The following TEX11 variants were observed in gnomAD, a reference collection of about 807,000 sequenced individuals.
The protein encoded by TEX11 is testis expressed 11.
TEX11 carries 7 observed loss-of-function variants against 84.4 expected under a neutral mutation model. The ratio of observed to expected loss-of-function variants is 0.08; its 90% CI spans 0.05 to 0.16. The LOEUF (loss-of-function observed/expected upper bound fraction) is 0.16. Ranked by LOEUF, TEX11 falls within the 10% of genes least tolerant of loss-of-function variation. The pLI, the probability that TEX11 is intolerant of heterozygous loss-of-function variation, is 1.00. For synonymous variants in TEX11, 264 were observed against 222.8 expected (o/e 1.18, Z -1.64); for missense variants, 551 against 660.5 (o/e 0.83, Z 1.82).
chrX:70,775,292 T>C (rs2090994398), intron 9 of TEX11, among the ~76,000 whole-genome samples: 1 of 111,420 alleles, frequency 9.0e-6, no homozygotes, highest in Non-Finnish European at 1.9e-5. Flanking sequence ...AAAGATGATA[T>C]GGCTACAACC....
At chrX:70,853,574 G>A (rs182194633) in intron 5 of TEX11, among the ~76,000 whole-genome samples, 77 of 112,028 alleles carry the variant, frequency 6.9e-4, no homozygotes, top group African/African-American at 2.1e-3. Context: ...CATCTTCTGA[G>A]GAAATATTAA....
At chrX:70,568,721 T>G (rs1195892648) in intron 25 of TEX11, among the ~76,000 whole-genome samples, 1 of 111,788 alleles carries the variant, frequency 8.9e-6, no homozygotes, top group Non-Finnish European at 1.9e-5. Context: ...TTTAAGAATG[T>G]TGAATATTGG....
At chrX:70,629,813 A>T in intron 17 of TEX11, 78 bp from the exon 18 acceptor site, 1 of 729,522 alleles carries the variant, frequency 1.4e-6, no homozygotes, top group Non-Finnish European at 1.9e-6. Flanking sequence ...TTATGCCACA[A>T]TGAATTTGGA....
At chrX:70,815,554 C>T (rs916507462) in intron 8 of TEX11, among the ~76,000 whole-genome samples, 5 of 111,391 alleles carry the variant, frequency 4.5e-5, no homozygotes, top group African/African-American at 1.6e-4. Context: ...TATAATTATT[C>T]TATTTTATTA....
At chrX:70,882,983 G>A (rs1014373588) in intron 2 of TEX11, among the ~76,000 whole-genome samples, 6 of 111,730 alleles carry the variant, frequency 5.4e-5, no homozygotes, top group Middle Eastern at 4.6e-3. Context: ...CAATTTCACC[G>A]ACACCAGCTG....
At chrX:70,694,422 G>A (rs764519918) in intron 13 of TEX11, among the ~76,000 whole-genome samples, 1 of 111,399 alleles carries the variant, frequency 9.0e-6, no homozygotes, top group Non-Finnish European at 1.9e-5. Flanking sequence ...ATTTTAACAG[G>A]CATTTCACAA....
At chrX:70,723,395 T>C (rs1420769079) in intron 12 of TEX11, among the ~76,000 whole-genome samples, 1 of 111,017 alleles carries the variant, frequency 9.0e-6, no homozygotes, top group Non-Finnish European at 1.9e-5. Context: ...GTGGAAAAAA[T>C]GAATATACAC....
chrX:70,519,555 T>G, the TEX11 span, among the ~76,000 whole-genome samples: 1 of 111,857 alleles, frequency 8.9e-6, no homozygotes, highest in Non-Finnish European at 1.9e-5. Flanking sequence ...ATTGTTTCCT[T>G]CATTTCAACC....
chrX:70,736,255 T>C (rs968034482), intron 11 of TEX11, among the ~76,000 whole-genome samples: 2 of 111,556 alleles, frequency 1.8e-5, no homozygotes, highest in Non-Finnish European at 3.8e-5. Context: ...AACATAGGCA[T>C]ACCAAATTTT....
chrX:70,873,544 AC>A (rs907836797), intron 3 of TEX11, among the ~76,000 whole-genome samples: 3 of 111,552 alleles, frequency 2.7e-5, no homozygotes, highest in African/African-American at 9.7e-5. Flanking sequence ...CTATTGATAT[AC>A]CTTCACCTGA....
chrX:70,768,527 G>A (rs1473945919), intron 9 of TEX11, among the ~76,000 whole-genome samples: 1 of 110,068 alleles, frequency 9.1e-6, no homozygotes, highest in African/African-American at 3.4e-5. Flanking sequence ...GAGGCCTCGG[G>A]AAACATACAG....
At chrX:70,893,031 G>C (rs2091747308) in intron 2 of TEX11, among the ~76,000 whole-genome samples, 1 of 111,071 alleles carries the variant, frequency 9.0e-6, no homozygotes, top group African/African-American at 3.3e-5. Context: ...CCCAATACAG[G>C]AGCACCCAGA....
At chrX:70,867,862 T>TA (rs1953304343) in intron 4 of TEX11, among the ~76,000 whole-genome samples, 1 of 111,599 alleles carries the variant, frequency 9.0e-6, no homozygotes, top group Non-Finnish European at 1.9e-5. Flanking sequence ...TTACACCTTA[T>TA]AAAAAAATTA....
intron 20 of TEX11, among the ~76,000 whole-genome samples, chrX:70,615,546 T>C (rs1435411331): frequency 9.0e-6 from 1 of 111,478 alleles, no homozygotes; most frequent in African/African-American, 3.3e-5. Context: ...AGAAGACAGT[T>C]TTAAAAGAGC....
intron 13 of TEX11, among the ~76,000 whole-genome samples, chrX:70,683,482 T>G (rs758054431): frequency 3.6e-4 from 40 of 111,092 alleles, no homozygotes; most frequent in Non-Finnish European, 7.5e-4. Context: ...AATTGGCAGC[T>G]GTGATGGCGC....
At chrX:70,748,073 C>T (rs1163596397) in intron 9 of TEX11, among the ~76,000 whole-genome samples, 3 of 110,091 alleles carry the variant, frequency 2.7e-5, no homozygotes, top group Non-Finnish European at 5.7e-5. Context: ...GAAAAATGAA[C>T]ATGGGCTCAG....
At chrX:70,783,048 G>T (rs924989137) in intron 9 of TEX11, among the ~76,000 whole-genome samples, 1 of 111,024 alleles carries the variant, frequency 9.0e-6, no homozygotes, top group African/African-American at 3.3e-5. Flanking sequence ...GCACCACATC[G>T]CACTTATTCT....
intron 13 of TEX11, among the ~76,000 whole-genome samples, chrX:70,707,785 G>A (rs895195823): frequency 2.7e-5 from 3 of 110,771 alleles, no homozygotes; most frequent in African/African-American, 9.8e-5. Context: ...TGCACACAAT[G>A]AGGTAAGGAA....
At chrX:70,850,208 C>G (rs2147850356) in intron 7 of TEX11, among the ~76,000 whole-genome samples, 1 of 111,698 alleles carries the variant, frequency 9.0e-6, no homozygotes, top group Non-Finnish European at 1.9e-5. Context: ...GCTATCATTC[C>G]TACTGTCTTC....
Sources: gnomAD v4.1 joint callset for allele counts (sites outside exome capture counted in the v4.1 genomes callset) on GRCh38, gnomAD v4.1.1 for gene constraint, MANE v1.5 for transcripts, NCBI Gene and HGNC (gene_info 2026-07-23, HGNC 2026-07-21) for gene names.